SLAMF1: variants seen among roughly 807,000 people sequenced by gnomAD.
SLAMF1 encodes the protein signaling lymphocytic activation molecule family member 1, also known as signaling lymphocytic activation molecule.
SLAMF1 carries 18 observed loss-of-function variants against 35.1 expected under a neutral mutation model. The observed-to-expected ratio is 0.51, with a 90% CI of 0.35 to 0.76. The LOEUF is 0.76. SLAMF1 is among the 30% of genes least tolerant of loss of function. SLAMF1 has a pLI of 0.01. For synonymous variants in SLAMF1, 168 were observed against 157.2 expected (o/e 1.07, Z -0.51); for missense variants, 392 against 413.0 (o/e 0.95, Z 0.44).
chr1:160,621,889 A>AGTGTGTGT (rs1659634961), intron 4 of SLAMF1, among the ~76,000 whole-genome samples: 1 of 97,936 alleles, frequency 1.0e-5, no homozygotes, highest in African/African-American at 4.5e-5. Context: ...TGTGTGTGTA[A>AGTGTGTGT]AATGGAGGGG....
At chr1:160,623,730 A>G in intron 4 of SLAMF1, 1 of 401,332 alleles carries the variant, frequency 2.5e-6, no homozygotes. Context: ...TTTTTGGATG[A>G]GATCCAATAA....
At chr1:160,634,453 G>C in intron 3 of SLAMF1, 160 bp downstream of exon 3, 1 of 956,418 alleles carries the variant, frequency 1.0e-6, no homozygotes, top group Non-Finnish European at 1.2e-6. Flanking sequence ...CAATATGAGA[G>C]TGAGCTCACT....
At chr1:160,616,429 T>C (rs1570968291) in intron 5 of SLAMF1, among the ~76,000 whole-genome samples, 1 of 147,770 alleles carries the variant, frequency 6.8e-6, no homozygotes, top group Admixed American at 6.7e-5. Context: ...CCAATTTCAC[T>C]CAGAAACATA....
chr1:160,618,452 T>C (rs12048466), intron 5 of SLAMF1, among the ~76,000 whole-genome samples: 54,434 of 151,574 alleles, frequency 0.36, 12,178 homozygotes, highest in East Asian at 0.66. Context: ...AAAAGTGTGA[T>C]TAGAAGCAGC....
At chr1:160,631,294 G>A (rs959242202) in intron 3 of SLAMF1, among the ~76,000 whole-genome samples, 1 of 152,228 alleles carries the variant, frequency 6.6e-6, no homozygotes, top group Non-Finnish European at 1.5e-5. Context: ...CTGAGGCAGG[G>A]AAGGTCTGGT....
Position 160,608,773 on chromosome 1 carries a change from T to C in SLAMF1, c.*1975A>G, listed in dbSNP as rs1049315080. 3 of 152,188 alleles carry C rather than the reference T, an allele frequency of 2.0e-5. No homozygotes were observed. The highest frequency in any genetic ancestry group is 7.2e-5 in the African/African-American group (3 of 41,446). 9.4% of individuals were successfully genotyped at this position (152,188 alleles called of 1,614,324 possible). Reference sequence around the variant, plus strand: ...GCCCGGGTTTACAAATCTTCATTAGTAGCTCCACAGTTTTGAGAGTAGACA... The same window carrying C: ...GCCCGGGTTTACAAATCTTCATTAGCAGCTCCACAGTTTTGAGAGTAGACA... On this transcript the variant is annotated 3_prime_UTR_variant, in exon 7 of 7. Transcript: ENST00000302035.
intron 1 of SLAMF1, 73 bp downstream of exon 1, chr1:160,646,797 C>T: frequency 2.4e-6 from 2 of 833,302 alleles, no homozygotes; most frequent in Non-Finnish European, 4.1e-6. Flanking sequence ...TGCACCTTCT[C>T]TCCATCCACG....
chr1:160,637,523 C>A lies in SLAMF1; in HGVS notation c.83G>T (p.Arg28Leu), dbSNP rs142014204. ...GAGAATCTTTGGGCAGTTCATCATG[C>A]GCCCACCTGTGGGAGGGAGGAGAAG... ...AFGASYGTGG[R>L]MMNCPKILRQ... The change falls in exon 2 of 7, where the codon CGC becomes CTC. Residue 28 changes from arginine to leucine, a missense_variant. Transcript: ENST00000302035. The A allele has an allele frequency of 1.2e-6, 2 of 1,607,866 alleles. No individual in the cohort carries two copies. Among genetic ancestry groups the A allele is most frequent in the Non-Finnish European group, 1.7e-6 (2 of 1,178,846 alleles).
At position 160,637,364 on chromosome 1, in the gene SLAMF1, A is replaced by G; in HGVS notation, c.242T>C (p.Leu81Pro). The G allele has an allele frequency of 6.2e-7, 1 of 1,614,196 alleles. No individual in the cohort carries two copies. The highest frequency in any genetic ancestry group is 8.5e-7 in the Non-Finnish European group (1 of 1,180,040). ...TGGAGGGCCTGCTTCGGATGGATCA[A>G]GAGACACTATTTTGTTCTCGACACT... The part of the protein sequence containing the change: ...ENSVENKIVS[L>P]DPSEAGPPRY... Residue 81 changes from leucine to proline, a missense_variant, in exon 2 of 7, where the codon CTT becomes CCT. Leu to Pro is a moderately conservative substitution (Grantham distance 98, BLOSUM62 -3). Transcript: ENST00000302035.
chr1:160,636,853 T>A (rs1041314936), intron 2 of SLAMF1, among the ~76,000 whole-genome samples: 1 of 152,148 alleles, frequency 6.6e-6, no homozygotes. Context: ...CTTCTTTTAA[T>A]CAGAAAAAAA....
intron 3 of SLAMF1, among the ~76,000 whole-genome samples, chr1:160,630,936 T>C (rs946552615): frequency 1.3e-5 from 2 of 152,198 alleles, no homozygotes; most frequent in African/African-American, 4.8e-5. Flanking sequence ...TCTGGGATGC[T>C]CTCTCTAATC....
chr1:160,644,920 A>G (rs1445247091), intron 1 of SLAMF1, among the ~76,000 whole-genome samples: 1 of 152,200 alleles, frequency 6.6e-6, no homozygotes, highest in East Asian at 1.9e-4. Flanking sequence ...AAAAAAACTC[A>G]TTGACATAAG....
chr1:160,616,261 G>A (rs1230919982), intron 5 of SLAMF1, among the ~76,000 whole-genome samples: 2 of 152,018 alleles, frequency 1.3e-5, no homozygotes, highest in African/African-American at 2.4e-5. Flanking sequence ...GATTAAAGAA[G>A]AGTCCAGGAA....
In SLAMF1 at chr1:160,612,507, G is replaced by A; in HGVS notation, c.938C>T (p.Pro313Leu). The change falls in exon 6 of 7, where the codon CCT becomes CTT. Residue 313 changes from proline (P) to leucine (L), a missense_variant. Pro to Leu is a moderately conservative substitution (Grantham distance 98). Transcript: ENST00000302035. ...CTTIYVAATE[P>L]VPESVQETNS... The stretch of plus-strand genomic sequence containing the variant: ...CCTCACCTGGACAGACTCTGGGACA[G>A]GCTCTGTGGCAGCAACATATATGGT... The A allele has an allele frequency of 1.2e-6, 2 of 1,611,992 alleles. No homozygotes were observed. The highest frequency in any genetic ancestry group is 3.3e-4 in the Middle Eastern group (2 of 6,052).
chr1:160,624,209 A>C, intron 3 of SLAMF1, 24 bp from the exon 4 acceptor site: 1 of 1,517,788 alleles, frequency 6.6e-7, no homozygotes, highest in Admixed American at 1.7e-5. Context: ...GAAGTCAAAG[A>C]GCAATCTCAA....
At chr1:160,635,636 A>G (rs562028409) in intron 2 of SLAMF1, among the ~76,000 whole-genome samples, 44 of 151,104 alleles carry the variant, frequency 2.9e-4, no homozygotes, top group Admixed American at 2.9e-3. Context: ...CAGTGGCACA[A>G]TCTCAGCTCA....
chr1:160,614,082 A>G (rs1259619451), intron 5 of SLAMF1, among the ~76,000 whole-genome samples: 1 of 152,238 alleles, frequency 6.6e-6, no homozygotes, highest in Non-Finnish European at 1.5e-5. Context: ...CTGCTTGTTC[A>G]CAAACTATAT....
chr1:160,613,503 T>C (rs1659113652), intron 5 of SLAMF1, among the ~76,000 whole-genome samples: 1 of 152,228 alleles, frequency 6.6e-6, no homozygotes, highest in African/African-American at 2.4e-5. Flanking sequence ...CACATCCTTG[T>C]AAGATGCGGA....
intron 6 of SLAMF1, 78 bp downstream of exon 6, chr1:160,612,410 T>TAAAA: frequency 3.8e-6 from 3 of 780,016 alleles, no homozygotes; most frequent in South Asian, 2.0e-5. Context: ...CTTCCCACCT[T>TAAAA]AAAAAAAAAA....
Sources: gnomAD v4.1 joint callset for allele counts (sites outside exome capture counted in the v4.1 genomes callset) on GRCh38, gnomAD v4.1.1 for gene constraint, MANE v1.5 for transcripts, NCBI Gene and HGNC (gene_info 2026-07-23, HGNC 2026-07-21) for gene names.